The following SEPTIN6 variants were observed in gnomAD, a reference collection of about 807,000 sequenced individuals.
The protein encoded by SEPTIN6 is septin 6.
SEPTIN6 carries 8 observed loss-of-function variants against 33.6 expected under a neutral mutation model. The ratio of observed to expected loss-of-function variants is 0.24; its 90% CI spans 0.14 to 0.43. The LOEUF is 0.43. Among genes scored for constraint, SEPTIN6 ranks in the 20% least tolerant of loss-of-function variants. The pLI is 1.00. For synonymous variants in SEPTIN6, 131 were observed against 140.0 expected (o/e 0.94, Z 0.45); for missense variants, 250 against 340.8 (o/e 0.73, Z 2.10).
chrX:119,644,420 A>AT (rs2054208527), intron 5 of SEPTIN6, among the ~76,000 whole-genome samples: 1 of 110,648 alleles, frequency 9.0e-6, no homozygotes, highest in Non-Finnish European at 1.9e-5. Flanking sequence ...AAAAAAAAAA[A>AT]TTTATTCCTC....
intron 6 of SEPTIN6, among the ~76,000 whole-genome samples, chrX:119,639,792 G>A (rs1038260005): frequency 2.7e-5 from 3 of 110,935 alleles, no homozygotes; most frequent in South Asian, 7.6e-4. Context: ...CATACAAAGG[G>A]AATCCAATGG....
chrX:119,648,499 G>A (rs952524202), intron 5 of SEPTIN6, among the ~76,000 whole-genome samples: 2 of 111,481 alleles, frequency 1.8e-5, no homozygotes, highest in African/African-American at 3.3e-5. Context: ...CTGACTTCTC[G>A]AGAGGACAAG....
At chrX:119,649,378 G>A (rs1013387102) in intron 5 of SEPTIN6, among the ~76,000 whole-genome samples, 1 of 105,649 alleles carries the variant, frequency 9.5e-6, no homozygotes. Context: ...ACAGGCGTGA[G>A]ACACCATGCC....
chrX:119,619,737 TGGGAAAGA>T lies in SEPTIN6; in HGVS notation c.*348_*355del. 1 of 964,246 alleles carries T rather than the reference TGGGAAAGA, an allele frequency of 1.0e-6. No individual in the cohort carries two copies. Among genetic ancestry groups the T allele is most frequent in the Non-Finnish European group, 1.3e-6 (1 of 770,902 alleles). 79.5% of individuals were successfully genotyped at this position (964,246 alleles called of 1,213,427 possible). Reference sequence around the variant, plus strand: ...ACCAGAACTGGAACAGGGGAGCTGGTGGGAAAGAGTAGCAGATGGGCCCCCTGACCATG... The same window carrying T: ...ACCAGAACTGGAACAGGGGAGCTGGTGTAGCAGATGGGCCCCCTGACCATG... On this transcript the variant is annotated 3_prime_UTR_variant, in exon 11 of 11. Coordinates refer to ENST00000394610, the MANE Select transcript of SEPTIN6 (RefSeq NM_145799.4).
intron 10 of SEPTIN6, among the ~76,000 whole-genome samples, chrX:119,622,766 A>G (rs2053791763): frequency 8.9e-6 from 1 of 112,338 alleles, no homozygotes; most frequent in African/African-American, 3.2e-5. Flanking sequence ...CTCATTAAAA[A>G]TGGGAGAACA....
chrX:119,616,341 A>G, downstream of SEPTIN6: 1 of 325,389 alleles, frequency 3.1e-6, no homozygotes, highest in Non-Finnish European at 5.6e-6. Context: ...AGAAAAACAT[A>G]AAACTCAAAC....
At chrX:119,630,576 A>G (rs2053940023) in intron 8 of SEPTIN6, among the ~76,000 whole-genome samples, 1 of 112,384 alleles carries the variant, frequency 8.9e-6, no homozygotes, top group African/African-American at 3.2e-5. Context: ...ATTCTGGGCC[A>G]GGCACAGTGG....
At chrX:119,629,028 T>C in intron 9 of SEPTIN6, 1 of 277,235 alleles carries the variant, frequency 3.6e-6, no homozygotes. Context: ...TTTTCCTCTT[T>C]TCCCTTCCTT....
chrX:119,639,365 C>T (rs1050330106), intron 6 of SEPTIN6, among the ~76,000 whole-genome samples: 1 of 111,815 alleles, frequency 8.9e-6, no homozygotes, highest in Admixed American at 9.5e-5. Context: ...CCCACAGCGC[C>T]ATCCTTGGCC....
chrX:119,684,482 GT>G (rs1199777223), intron 1 of SEPTIN6, among the ~76,000 whole-genome samples: 4,331 of 79,342 alleles, frequency 0.055, 99 homozygotes, highest in Middle Eastern at 0.12. Flanking sequence ...GTTCCCAGAG[GT>G]TTTTTTTTTT....
chrX:119,615,999 A>G, downstream of SEPTIN6: 1 of 174,470 alleles, frequency 5.7e-6, no homozygotes, highest in African/African-American at 2.9e-5. Flanking sequence ...CTCACATGGT[A>G]TTTTGATGCA....
chrX:119,632,488 G>T (rs1267111682), intron 8 of SEPTIN6, among the ~76,000 whole-genome samples: 1 of 108,797 alleles, frequency 9.2e-6, no homozygotes, highest in Non-Finnish European at 1.9e-5. Flanking sequence ...GAGCCACCGC[G>T]CCCAGCCAAC....
intron 10 of SEPTIN6, 64 bp downstream of exon 10, chrX:119,625,271 C>T (rs2147449747): frequency 9.2e-6 from 7 of 764,129 alleles, no homozygotes; most frequent in South Asian, 2.3e-5. Context: ...GTTGGGGGTG[C>T]GGGATTGGGG....
Position 119,640,807 on chromosome X carries a change from G to A in SEPTIN6, c.691-19C>T, listed in dbSNP as rs1249148340. Reference sequence around the variant, plus strand: ...GGTGGGCCTGAAACCGAAGGCAAACGAAAGCTGAGAACTGCAGAAGAAAGG... The same window carrying A: ...GGTGGGCCTGAAACCGAAGGCAAACAAAAGCTGAGAACTGCAGAAGAAAGG... On this transcript the variant is annotated intron_variant, in intron 5 of 10. Transcript: ENST00000394610. 9 of 1,171,826 alleles carry A rather than the reference G, an allele frequency of 7.7e-6. No individual in the cohort carries two copies. Among genetic ancestry groups the A allele is most frequent in the South Asian group, 3.6e-5 (2 of 55,798 alleles).
At position 119,618,678 on chromosome X, in the gene SEPTIN6, C is replaced by A; in HGVS notation, c.*1415G>T. The A allele has an allele frequency of 8.4e-7, 1 of 1,188,310 alleles. No homozygotes were observed. Among genetic ancestry groups the A allele is most frequent in the South Asian group, 1.9e-5 (1 of 52,575 alleles). On this transcript the variant is annotated 3_prime_UTR_variant, in exon 11 of 11. Transcript: ENST00000394610. Reference sequence around the variant, plus strand: ...AGGGGTGGGGGGCCTCGCTGCCTGGCACCCCAAAGGAAAGCTGTCAGTTAA... The same window carrying A: ...AGGGGTGGGGGGCCTCGCTGCCTGGAACCCCAAAGGAAAGCTGTCAGTTAA...
chrX:119,632,204 T>A (rs1480570370), intron 8 of SEPTIN6, among the ~76,000 whole-genome samples: 1 of 108,817 alleles, frequency 9.2e-6, no homozygotes, highest in Non-Finnish European at 1.9e-5. Flanking sequence ...GTCTGACATT[T>A]TTTTTTTTTG....
At chrX:119,643,033 T>C (rs1423939233) in intron 5 of SEPTIN6, among the ~76,000 whole-genome samples, 1 of 111,361 alleles carries the variant, frequency 9.0e-6, no homozygotes, top group Non-Finnish European at 1.9e-5. Flanking sequence ...ACTGGGCAAG[T>C]GACACACAGG....
intron 3 of SEPTIN6, among the ~76,000 whole-genome samples, chrX:119,661,154 G>A (rs967724203): frequency 2.8e-5 from 3 of 107,827 alleles, no homozygotes; most frequent in Non-Finnish European, 5.7e-5. Context: ...GGCTGGGCAC[G>A]GTGGCTCACA....
chrX:119,650,594 G>A (rs1387830428), intron 4 of SEPTIN6, among the ~76,000 whole-genome samples: 1 of 111,316 alleles, frequency 9.0e-6, no homozygotes, highest in East Asian at 2.8e-4. Flanking sequence ...TGGCTGACAG[G>A]GGAGAGGTGG....
Sources: allele counts gnomAD v4.1 joint callset (sites outside exome capture counted in the v4.1 genomes callset), GRCh38; gene constraint gnomAD v4.1.1; transcripts MANE v1.5; gene names NCBI Gene and HGNC (gene_info 2026-07-23, HGNC 2026-07-21).